OSBPL9: variants seen among roughly 807,000 people sequenced by gnomAD.
OSBPL9 encodes oxysterol binding protein like 9.
In OSBPL9, 40 loss-of-function variants were observed where a neutral mutation model predicts 106.6. The ratio of observed to expected loss-of-function variants is 0.38; its 90% CI spans 0.29 to 0.49. The LOEUF (loss-of-function observed/expected upper bound fraction) is 0.49, where lower values mean the gene tolerates loss of function less well. Among genes scored for constraint, OSBPL9 ranks in the 20% least tolerant of loss-of-function variants. OSBPL9 has a pLI of 0.97. For synonymous variants in OSBPL9, 269 were observed against 295.4 expected (o/e 0.91, Z 0.92); for missense variants, 609 against 887.2 (o/e 0.69, Z 3.98).
intron 13 of OSBPL9, among the ~76,000 whole-genome samples, 177 bp downstream of exon 13, chr1:51,772,359 C>CA (rs1266969632): frequency 6.6e-6 from 1 of 152,030 alleles, no homozygotes; most frequent in Non-Finnish European, 1.5e-5. Flanking sequence ...TAAAAAAATA[C>CA]AAAAAATTAG....
chr1:51,741,654 T>A (rs1341587237), intron 4 of OSBPL9, among the ~76,000 whole-genome samples: 1 of 151,940 alleles, frequency 6.6e-6, no homozygotes, highest in African/African-American at 2.4e-5. Flanking sequence ...AGAGACTTTT[T>A]TTTTTTAGCA....
chr1:51,540,516 T>A, the OSBPL9 span, among the ~76,000 whole-genome samples: 1 of 149,986 alleles, frequency 6.7e-6, no homozygotes, highest in Non-Finnish European at 1.5e-5. Context: ...TAGCTGGGCG[T>A]GGTGGCGCAC....
In OSBPL9 at chr1:51,729,879, G is replaced by GA. The variant is rs1663942977; in HGVS notation, c.319-15657_319-15656insA. The GA allele has an allele frequency of 8.0e-7, 1 of 1,257,108 alleles. No individual in the cohort carries two copies. 77.9% of individuals were successfully genotyped at this position (1,257,108 alleles called of 1,614,324 possible). A position where few individuals can be genotyped will look rare whatever the true frequency, so the allele number is the denominator to read the frequency against. On this transcript the variant is annotated intron_variant, in intron 4 of 23. Coordinates refer to ENST00000428468, the MANE Select transcript of OSBPL9 (RefSeq NM_024586.6). The surrounding 1 kb of genome is among the most constrained non-coding windows in gnomAD (Gnocchi z 5.1). The stretch of plus-strand genomic sequence containing the variant: ...CTCAGTCAGGACCGCCTGCACCGCA[G>GA]TCCGGGGATCGGGTCGAGGGGAGAA...
At chr1:51,684,908 T>C (rs1571062316) in intron 3 of OSBPL9, among the ~76,000 whole-genome samples, 2 of 146,390 alleles carry the variant, frequency 1.4e-5, no homozygotes, top group South Asian at 2.1e-4. Flanking sequence ...AACACTGCTC[T>C]TCTTCTTTTT....
In OSBPL9 at chr1:51,781,251, AGTT is replaced by A. The variant is rs772635311; in HGVS notation, c.1346_1348del (p.Val449del). On this transcript the variant is annotated inframe_deletion, in exon 16 of 24. Coordinates refer to ENST00000428468, the MANE Select transcript of OSBPL9 (RefSeq NM_024586.6). ...CCTTTCATGCGGGAAGGAAAGGATC[AGTT>A]GCCAAAAAGCCATACAATCCCATTT... The A allele has an allele frequency of 6.2e-7, 1 of 1,614,192 alleles. No homozygotes were observed. The highest frequency in any genetic ancestry group is 8.5e-7 in the Non-Finnish European group (1 of 1,180,002).
At chr1:51,632,980 C>CT (rs1224085508) in intron 1 of OSBPL9, among the ~76,000 whole-genome samples, 1 of 151,600 alleles carries the variant, frequency 6.6e-6, no homozygotes, top group Non-Finnish European at 1.5e-5. Flanking sequence ...ATACTTTTCT[C>CT]TTTTTTTTGA....
chr1:51,530,181 A>AAAAAAAAAAAAAAAAAAAAAC, the OSBPL9 span, among the ~76,000 whole-genome samples: 1 of 121,578 alleles, frequency 8.2e-6, no homozygotes, highest in African/African-American at 3.5e-5. Flanking sequence ...AAAAAAAAAA[A>AAAAAAAAAAAAAAAAAAAAAC]AAAAAAAAAA....
At chr1:51,546,055 C>T in the OSBPL9 span, among the ~76,000 whole-genome samples, 1 of 152,090 alleles carries the variant, frequency 6.6e-6, no homozygotes, top group East Asian at 1.9e-4. Flanking sequence ...CTCACTTTGT[C>T]ACCCAGACTG....
chr1:51,760,583 T>A, intron 9 of OSBPL9, 107 bp from the exon 10 acceptor site: 1 of 1,515,524 alleles, frequency 6.6e-7, no homozygotes, highest in Non-Finnish European at 8.9e-7. Flanking sequence ...TCAACATATC[T>A]ATATAGCTAC....
At chr1:51,522,279 A>T in the OSBPL9 span, among the ~76,000 whole-genome samples, 1,242 of 152,356 alleles carry the variant, frequency 8.2e-3, 11 homozygotes, top group African/African-American at 0.029. Context: ...AATAAAAAGA[A>T]TCAGATGCCC....
chr1:51,550,572 G>T, the OSBPL9 span, among the ~76,000 whole-genome samples: 1 of 152,178 alleles, frequency 6.6e-6, no homozygotes, highest in Non-Finnish European at 1.5e-5. Context: ...GAGTGCAGTT[G>T]TGCGATCTCG....
chr1:51,562,955 T>C, the OSBPL9 span, among the ~76,000 whole-genome samples: 2 of 152,210 alleles, frequency 1.3e-5, no homozygotes, highest in Non-Finnish European at 2.9e-5. Flanking sequence ...ACTCCTGTAA[T>C]CCTAGCACTT....
rs1678386720 is a variant in OSBPL9, at chr1:51,788,983, C to G, written c.*1194C>G. On this transcript the variant is annotated 3_prime_UTR_variant, in exon 24 of 24. Coordinates refer to ENST00000428468, the MANE Select transcript of OSBPL9 (RefSeq NM_024586.6). ...GATTCTCAGTCTGAGAGGACACAGG[C>G]CAGGGCTTCTCAAAGTGCTGCTGCA... Among the ~76,000 whole-genome samples, 5 of 152,298 alleles carry G rather than the reference C, an allele frequency of 3.3e-5. No homozygotes were observed. In the South Asian group the frequency reaches 1.0e-3, roughly 32 times the overall value.
intron 12 of OSBPL9, among the ~76,000 whole-genome samples, chr1:51,771,520 T>A (rs926916932): frequency 6.6e-6 from 1 of 152,154 alleles, no homozygotes; most frequent in African/African-American, 2.4e-5. Context: ...CTTCCATCGG[T>A]AAATTATGAT....
upstream of OSBPL9, among the ~76,000 whole-genome samples, chr1:51,572,211 G>C (rs1645154973): frequency 1.3e-5 from 2 of 152,238 alleles, no homozygotes; most frequent in Middle Eastern, 3.4e-3. Context: ...GAAGAAGATA[G>C]GAAATCACTT....
intron 2 of OSBPL9, among the ~76,000 whole-genome samples, chr1:51,663,404 C>G (rs114417564): frequency 3.4e-4 from 52 of 152,156 alleles, no homozygotes; most frequent in Middle Eastern, 3.4e-3. Flanking sequence ...AGCCAACATA[C>G]AGAACCCAGT....
chr1:51,550,723 A>G, the OSBPL9 span, among the ~76,000 whole-genome samples: 215 of 152,264 alleles, frequency 1.4e-3, no homozygotes, highest in Middle Eastern at 0.014. Context: ...CACATTAGCC[A>G]GGCTGGTCTT....
chr1:51,772,676 A>G lies in OSBPL9; in HGVS notation c.1123A>G (p.Ile375Val). ...AGSVEEHKSV[I>V]MHLLSQVRLG... The stretch of plus-strand genomic sequence containing the variant: ...GTCTGTGGAGGAGCACAAGAGCGTT[A>G]TCATGCATCTCTTGTCGCAGGTTAG... Residue 375 changes from isoleucine (I) to valine (V), a missense_variant, in exon 14 of 24, where the codon ATC becomes GTC. This residue lies in a region of OSBPL9 where 356 missense variants were observed against 505.8 expected (regional missense o/e 0.70). Coordinates refer to ENST00000428468, the MANE Select transcript of OSBPL9 (RefSeq NM_024586.6). 1 of 1,614,220 alleles carries G rather than the reference A, an allele frequency of 6.2e-7. No individual in the cohort carries two copies. The highest frequency in any genetic ancestry group is 1.7e-5 in the Admixed American group (1 of 60,028).
chr1:51,786,147 T>C lies in OSBPL9; in HGVS notation c.1908+261T>C, dbSNP rs72900041. 2.7e-3 allele frequency: 1,345 copies of C among 491,410 alleles called. 14 individuals are homozygous for C. The highest frequency in any genetic ancestry group is 0.025 in the African/African-American group (1,239 of 49,446). The allele number at this position is 491,410 out of a possible 1,614,324, so 30.4% of individuals were successfully genotyped here. On this transcript the variant is annotated intron_variant, in intron 21 of 23. Transcript: ENST00000428468. Reference sequence around the variant, plus strand: ...GCTCTCAAAACACTTGAGAATAATATATGTAAAACAATGCCTGGCACATAG... The same window carrying C: ...GCTCTCAAAACACTTGAGAATAATACATGTAAAACAATGCCTGGCACATAG...
Sources: allele counts gnomAD v4.1 joint callset (sites outside exome capture counted in the v4.1 genomes callset), GRCh38; gene constraint gnomAD v4.1.1; regional missense constraint gnomAD v4.1.1; non-coding constraint Gnocchi (gnomAD v3.1); transcripts MANE v1.5; gene names NCBI Gene and HGNC (gene_info 2026-07-23, HGNC 2026-07-21).